Variants in AGO4 observed in about 807,000 individuals in gnomAD.
AGO4 encodes the protein argonaute RISC component 4, also known as protein argonaute-4.
AGO4 carries 33 observed loss-of-function variants against 104.7 expected under a neutral mutation model. That is an observed-to-expected ratio of 0.32 (90% CI 0.24 to 0.42). AGO4 has a LOEUF of 0.42. AGO4 is among the 10% of genes least tolerant of loss of function. AGO4 has a pLI of 1.00. For missense variants in AGO4, 711 were observed against 1,083.4 expected, an observed-to-expected ratio of 0.66 and a Z score of 4.83; for synonymous variants, 331 against 364.7, an observed-to-expected ratio of 0.91 and a Z score of 1.05.
chr1:35,834,032 A>C lies in AGO4; in HGVS notation c.1422A>C (p.Gly474=). ...DQLRKISKDA[G]MPIQGQPCFC... is the part of the protein sequence containing the mutation. Reference sequence around the variant, plus strand: ...TGCGTAAAATCTCTAAGGATGCAGGAATGCCCATCCAGGGTCAGCCATGTT... The same window carrying C: ...TGCGTAAAATCTCTAAGGATGCAGGCATGCCCATCCAGGGTCAGCCATGTT... Residue 474 remains glycine (G), a synonymous_variant, in exon 12 of 18, where the codon GGA becomes GGC. Transcript: ENST00000373210. 6.2e-7 allele frequency: 1 copy of C among 1,604,686 alleles called. No homozygotes were observed. Among genetic ancestry groups the C allele is most frequent in the Non-Finnish European group, 8.5e-7 (1 of 1,175,324 alleles).
At chr1:35,822,756 T>C in intron 2 of AGO4, 106 bp from the exon 3 acceptor site, 1 of 1,412,886 alleles carries the variant, frequency 7.1e-7, no homozygotes. Flanking sequence ...CTCTTACTTT[T>C]TCCAAGTAAT....
chr1:35,853,480 T>C lies in AGO4; in HGVS notation c.2478-17T>C. ...GTTTGTTTTGCTTTGTTTTGTTTTG[T>C]TTTATTCTCTTTACAGTGCGGAAGG... On this transcript the variant is annotated splice_polypyrimidine_tract_variant and intron_variant, in intron 17 of 17. Coordinates refer to ENST00000373210, the MANE Select transcript of AGO4 (RefSeq NM_017629.4). 1 of 1,580,322 alleles carries C rather than the reference T, an allele frequency of 6.3e-7. No individual in the cohort carries two copies. Among genetic ancestry groups the C allele is most frequent in the Non-Finnish European group, 8.6e-7 (1 of 1,167,516 alleles).
chr1:35,834,874 T>G (rs1326148985), intron 12 of AGO4, among the ~76,000 whole-genome samples: 6 of 152,118 alleles, frequency 3.9e-5, no homozygotes, highest in African/African-American at 1.4e-4. Flanking sequence ...TTTTGTATTT[T>G]TTATAGAGAT....
intron 11 of AGO4, among the ~76,000 whole-genome samples, chr1:35,833,605 T>G (rs1320239230): frequency 6.6e-6 from 1 of 152,224 alleles, no homozygotes; most frequent in Non-Finnish European, 1.5e-5. Flanking sequence ...GCTATTTCTG[T>G]ACCAGGCTTA....
intron 2 of AGO4, among the ~76,000 whole-genome samples, chr1:35,820,125 G>T (rs1221700823): frequency 2.6e-5 from 4 of 152,148 alleles, no homozygotes; most frequent in Non-Finnish European, 2.9e-5. Flanking sequence ...GTTTTAAGTT[G>T]GAAGGATGGA....
At position 35,825,733 on chromosome 1, in the gene AGO4, T is replaced by C; in HGVS notation, c.543T>C (p.Pro181=). 1 of 1,591,700 alleles carries C rather than the reference T, an allele frequency of 6.3e-7. No homozygotes were observed. Among genetic ancestry groups the C allele is most frequent in the Non-Finnish European group, 8.5e-7 (1 of 1,172,244 alleles). ...FFSPPEGYYH[P]LGGGREVWFG... is the part of the protein sequence containing the mutation. ...CACCCCCGGAAGGTTACTACCACCC[T>C]CTGGGAGGGGGCAGGGAGGTCTGGT... The change falls in exon 5 of 18, where the codon CCT becomes CCC. Residue 181 remains proline (P), a synonymous_variant. Transcript: ENST00000373210.
intron 2 of AGO4, among the ~76,000 whole-genome samples, chr1:35,820,686 G>A (rs1444563015): frequency 6.6e-6 from 1 of 151,768 alleles, no homozygotes; most frequent in East Asian, 1.9e-4. Context: ...TTTTTAGGAT[G>A]AGAGAAATTA....
At chr1:35,812,957 AT>A (rs1342149338) in intron 1 of AGO4, among the ~76,000 whole-genome samples, 1 of 152,106 alleles carries the variant, frequency 6.6e-6, no homozygotes, top group Non-Finnish European at 1.5e-5. Flanking sequence ...GAGTTGACTT[AT>A]TTTTATGATT....
intron 1 of AGO4, among the ~76,000 whole-genome samples, chr1:35,814,206 A>G (rs1643613640): frequency 1.3e-5 from 2 of 152,168 alleles, no homozygotes; most frequent in African/African-American, 4.8e-5. Context: ...TTTAGATTCT[A>G]TCTGGGATTA....
At chr1:35,852,219 C>T (rs1310530088) in intron 17 of AGO4, among the ~76,000 whole-genome samples, 1 of 152,064 alleles carries the variant, frequency 6.6e-6, no homozygotes, top group African/African-American at 2.4e-5. Flanking sequence ...AATGCTGTTC[C>T]TAGGATAGAA....
intron 15 of AGO4, among the ~76,000 whole-genome samples, chr1:35,842,840 C>G (rs1442960917): frequency 1.3e-5 from 2 of 152,124 alleles, no homozygotes; most frequent in East Asian, 3.9e-4. Context: ...CACCTCTAAT[C>G]CCCAGGCATT....
chr1:35,832,958 C>T (rs531547689), intron 11 of AGO4, among the ~76,000 whole-genome samples: 2 of 152,220 alleles, frequency 1.3e-5, no homozygotes, highest in East Asian at 1.9e-4. Flanking sequence ...AAAGTAGGTT[C>T]GCATCTTACA....
In AGO4 at chr1:35,856,052, A is replaced by G. The variant is rs1357989869; in HGVS notation, c.*2447A>G. ...TGTCTTGCTCTACGCTCGACCTCGA[A>G]CAATACAGCTTGTAAGACCTCAGTC... On this transcript the variant is annotated 3_prime_UTR_variant, in exon 18 of 18. Coordinates refer to ENST00000373210, the MANE Select transcript of AGO4 (RefSeq NM_017629.4). 6.6e-6 allele frequency: 1 copy of G among 152,254 alleles called. No homozygotes were observed. The highest frequency in any genetic ancestry group is 1.9e-4 in the East Asian group (1 of 5,198). 9.4% of individuals were successfully genotyped at this position (152,254 alleles called of 1,614,324 possible).
chr1:35,843,430 C>T (rs1644496524), intron 15 of AGO4, among the ~76,000 whole-genome samples: 1 of 152,156 alleles, frequency 6.6e-6, no homozygotes, highest in African/African-American at 2.4e-5. Context: ...ATCCAATCAG[C>T]TTAGATTAAA....
At position 35,844,901 on chromosome 1, in the gene AGO4, A is replaced by C. The variant is rs189938020; in HGVS notation, c.2175+3151A>C. 2.0e-5 allele frequency among the ~76,000 whole-genome samples: 3 copies of C among 152,266 alleles called. No individual in the cohort carries two copies. In the East Asian group the frequency reaches 5.8e-4, roughly 29 times the overall value. The stretch of plus-strand genomic sequence containing the variant: ...AACAATCACTTGACTTTCTATCTGT[A>C]CTTTCTCACATCAAACTTTAATTTT... On this transcript the variant is annotated intron_variant, in intron 15 of 17. Coordinates refer to ENST00000373210, the MANE Select transcript of AGO4 (RefSeq NM_017629.4).
chr1:35,826,141 T>C, intron 6 of AGO4, 81 bp downstream of exon 6: 1 of 1,551,408 alleles, frequency 6.4e-7, no homozygotes, highest in South Asian at 1.2e-5. Flanking sequence ...CACACAGACC[T>C]GGGCTTCGGT....
At position 35,825,709 on chromosome 1, in the gene AGO4, A is replaced by G. The variant is rs1167331359; in HGVS notation, c.519A>G (p.Ser173=). The change falls in exon 5 of 18, where the codon TCA becomes TCG. Residue 173 remains serine (S), a synonymous_variant. Transcript: ENST00000373210. ...CCCCAGTGGGCCGTTCCTTTTTCTC[A>G]CCCCCGGAAGGTTACTACCACCCTC... ...RYTPVGRSFF[S]PPEGYYHPLG... 23 of 1,566,772 alleles carry G rather than the reference A, an allele frequency of 1.5e-5. No individual in the cohort carries two copies. The Admixed American group carries it at 4.5e-4, about 31-fold the overall frequency.
At chr1:35,825,283 G>A (rs756121048) in intron 3 of AGO4, 30 bp from the exon 4 acceptor site, 1 of 1,603,494 alleles carries the variant, frequency 6.2e-7, no homozygotes, top group South Asian at 1.1e-5. Flanking sequence ...GTAAACATTT[G>A]TGTTTGTATT....
intron 15 of AGO4, among the ~76,000 whole-genome samples, chr1:35,845,749 T>C (rs553527443): frequency 6.6e-6 from 1 of 152,294 alleles, no homozygotes; most frequent in Admixed American, 6.5e-5. Context: ...AGATTCTCTA[T>C]AGGCACTGCA....
Sources: allele counts gnomAD v4.1 joint callset (sites outside exome capture counted in the v4.1 genomes callset), GRCh38; gene constraint gnomAD v4.1.1; transcripts MANE v1.5; gene names NCBI Gene and HGNC (gene_info 2026-07-23, HGNC 2026-07-21).